The following LRBA variants were observed in gnomAD, a reference collection of about 807,000 sequenced individuals.
LRBA encodes LPS responsive beige-like anchor protein.
In LRBA, 176 loss-of-function variants were observed where a neutral mutation model predicts 330.0. That is an observed-to-expected ratio of 0.53 (90% CI 0.47 to 0.60). LRBA has a LOEUF of 0.60. LRBA is among the 20% of genes least tolerant of loss of function. The pLI, the probability that LRBA is intolerant of heterozygous loss-of-function variation, is 0.00. For synonymous variants in LRBA, 1,230 were observed against 1,193.0 expected, an observed-to-expected ratio of 1.03 and a Z score of -0.64; for missense variants, 3,259 against 3,444.8, an observed-to-expected ratio of 0.95 and a Z score of 1.35.
chr4:150,601,823 C>G (rs921582813), intron 37 of LRBA, among the ~76,000 whole-genome samples: 1 of 146,900 alleles, frequency 6.8e-6, no homozygotes, highest in African/African-American at 2.4e-5. Context: ...TCCCGAGTAC[C>G]TGGGACTACA....
At chr4:150,356,523 G>T (rs181468047) in intron 47 of LRBA, among the ~76,000 whole-genome samples, 2 of 151,962 alleles carry the variant, frequency 1.3e-5, no homozygotes, top group East Asian at 3.9e-4. Flanking sequence ...GAAAATAAAA[G>T]AAAATTTGAT....
chr4:150,303,962 C>A (rs543680242), intron 52 of LRBA, among the ~76,000 whole-genome samples: 2 of 152,146 alleles, frequency 1.3e-5, no homozygotes, highest in Admixed American at 6.5e-5. Flanking sequence ...CTGTGACAGA[C>A]CCCCATTCCA....
intron 37 of LRBA, among the ~76,000 whole-genome samples, chr4:150,675,259 G>A (rs1561502335): frequency 6.6e-6 from 1 of 152,162 alleles, no homozygotes; most frequent in Non-Finnish European, 1.5e-5. Context: ...TCTAGAGTCA[G>A]AATGCCTGGG....
At chr4:150,521,765 A>G (rs1030049066) in intron 40 of LRBA, among the ~76,000 whole-genome samples, 3 of 152,196 alleles carry the variant, frequency 2.0e-5, no homozygotes, top group African/African-American at 7.2e-5. Context: ...AACCAAACAA[A>G]TGGTCTTCAC....
intron 36 of LRBA, among the ~76,000 whole-genome samples, chr4:150,698,969 ATAT>A (rs1330003487): frequency 6.6e-6 from 1 of 152,196 alleles, no homozygotes; most frequent in Non-Finnish European, 1.5e-5. Context: ...AAACTGAAAA[ATAT>A]TATTACTGCA....
At chr4:150,956,468 A>T (rs1737563437) in intron 2 of LRBA, among the ~76,000 whole-genome samples, 1 of 149,106 alleles carries the variant, frequency 6.7e-6, no homozygotes, top group Non-Finnish European at 1.5e-5. Flanking sequence ...AAATTAATAC[A>T]ATTCTTCACA....
chr4:150,611,661 A>G (rs939948260), intron 37 of LRBA, among the ~76,000 whole-genome samples: 1 of 152,226 alleles, frequency 6.6e-6, no homozygotes, highest in Admixed American at 6.5e-5. Context: ...TATTAGACTA[A>G]GGGTAAGGAG....
intron 35 of LRBA, among the ~76,000 whole-genome samples, chr4:150,736,656 T>C (rs551483889): frequency 5.3e-5 from 8 of 152,118 alleles, no homozygotes; most frequent in African/African-American, 1.9e-4. Context: ...AAAGAGTAGA[T>C]ACATAATTAG....
chr4:150,548,483 C>A (rs1291135846), intron 40 of LRBA, among the ~76,000 whole-genome samples: 3 of 151,410 alleles, frequency 2.0e-5, no homozygotes, highest in African/African-American at 7.2e-5. Flanking sequence ...CATACTCTAC[C>A]AAAACAATAG....
At chr4:150,495,556 G>C (rs1351541507) in intron 40 of LRBA, among the ~76,000 whole-genome samples, 2 of 152,094 alleles carry the variant, frequency 1.3e-5, no homozygotes, top group African/African-American at 4.8e-5. Context: ...GGAATTACTA[G>C]CTGAAATTTA....
intron 40 of LRBA, among the ~76,000 whole-genome samples, chr4:150,509,014 A>G (rs1761506751): frequency 6.6e-6 from 1 of 152,222 alleles, no homozygotes; most frequent in African/African-American, 2.4e-5. Flanking sequence ...AAAATCAGTA[A>G]CAATAGATTG....
chr4:150,763,049 T>C (rs1215174375), intron 34 of LRBA, among the ~76,000 whole-genome samples: 4 of 152,038 alleles, frequency 2.6e-5, no homozygotes, highest in South Asian at 2.1e-4. Flanking sequence ...AACAATCACA[T>C]GACATGATTT....
intron 2 of LRBA, among the ~76,000 whole-genome samples, chr4:150,975,488 T>C (rs1245387748): frequency 6.7e-6 from 1 of 149,212 alleles, no homozygotes; most frequent in African/African-American, 2.5e-5. Context: ...ATCGCACCAC[T>C]GCACTTCAGC....
intron 40 of LRBA, among the ~76,000 whole-genome samples, chr4:150,502,672 G>T (rs1034399289): frequency 6.6e-6 from 1 of 152,238 alleles, no homozygotes; most frequent in Non-Finnish European, 1.5e-5. Context: ...GAGGTACCGG[G>T]TTCATCTCAC....
At chr4:150,371,982 T>C (rs750305204) in intron 47 of LRBA, among the ~76,000 whole-genome samples, 10 of 152,200 alleles carry the variant, frequency 6.6e-5, no homozygotes, top group African/African-American at 1.9e-4. Flanking sequence ...GGTTCTTCTC[T>C]GGAAGCCTTC....
intron 44 of LRBA, among the ~76,000 whole-genome samples, chr4:150,450,605 T>A (rs770458374): frequency 1.3e-5 from 2 of 152,196 alleles, no homozygotes; most frequent in Non-Finnish European, 2.9e-5. Flanking sequence ...TGATTACATC[T>A]TCAAAAACCC....
intron 22 of LRBA, 123 bp downstream of exon 22, chr4:150,867,548 G>A (rs1189170730): frequency 1.6e-6 from 1 of 636,508 alleles, no homozygotes; most frequent in Non-Finnish European, 2.6e-6. Flanking sequence ...TCATTTTGCT[G>A]TACTTTCAGA....
chr4:150,431,611 A>C, intron 46 of LRBA, among the ~76,000 whole-genome samples: 1 of 152,346 alleles, frequency 6.6e-6, no homozygotes, highest in South Asian at 2.1e-4. Flanking sequence ...ATATTGAAAT[A>C]ATATTTTGGA....
intron 40 of LRBA, among the ~76,000 whole-genome samples, chr4:150,544,393 A>G (rs1297247446): frequency 1.3e-5 from 2 of 151,970 alleles, no homozygotes; most frequent in African/African-American, 4.8e-5. Flanking sequence ...CTCCCATACC[A>G]TAATTCTTTC....
Sources: gnomAD v4.1 joint callset for allele counts (sites outside exome capture counted in the v4.1 genomes callset) on GRCh38, gnomAD v4.1.1 for gene constraint, MANE v1.5 for transcripts, NCBI Gene and HGNC (gene_info 2026-07-23, HGNC 2026-07-21) for gene names.